The following SHISA5 variants were observed in gnomAD, a reference collection of about 807,000 sequenced individuals.
The protein encoded by SHISA5 is protein shisa-5.
SHISA5 carries 21 observed loss-of-function variants against 27.5 expected under a neutral mutation model. The ratio of observed to expected loss-of-function variants is 0.76; its 90% CI spans 0.54 to 1.10. The LOEUF (loss-of-function observed/expected upper bound fraction) is 1.10. SHISA5 is among the 50% of genes least tolerant of loss of function. SHISA5 has a pLI of 0.00. For missense variants in SHISA5, 314 were observed against 336.3 expected (o/e 0.93, Z 0.52); for synonymous variants, 137 against 142.2 (o/e 0.96, Z 0.26).
At chr3:48,492,842 G>A (rs2107367557) in intron 2 of SHISA5, among the ~76,000 whole-genome samples, 1 of 147,488 alleles carries the variant, frequency 6.8e-6, no homozygotes, top group South Asian at 2.1e-4. Context: ...CCAAGATGGA[G>A]TTGTTTTCAG....
At chr3:48,491,273 C>G (rs537600177) in intron 2 of SHISA5, among the ~76,000 whole-genome samples, 25 of 152,186 alleles carry the variant, frequency 1.6e-4, no homozygotes, top group African/African-American at 5.5e-4. Context: ...CGCCCGTCAC[C>G]ATGCCCAGCT....
At chr3:48,501,053 G>A in intron 2 of SHISA5, 84 bp downstream of exon 2, 1 of 1,429,690 alleles carries the variant, frequency 7.0e-7, no homozygotes, top group East Asian at 2.5e-5. Flanking sequence ...AGAGGCCAGA[G>A]GGGCAGAGCT....
intron 2 of SHISA5, among the ~76,000 whole-genome samples, chr3:48,488,513 C>T: frequency 6.9e-6 from 1 of 143,936 alleles, no homozygotes; most frequent in Non-Finnish European, 1.5e-5. Context: ...AGGCGTGAGC[C>T]ACCGCACCCA....
At chr3:48,491,127 C>CT (rs1053900270) in intron 2 of SHISA5, among the ~76,000 whole-genome samples, 27 of 110,934 alleles carry the variant, frequency 2.4e-4, no homozygotes, top group Non-Finnish European at 3.8e-4. Flanking sequence ...TGTATTTCTT[C>CT]TTTTTTTTTG....
intron 3 of SHISA5, among the ~76,000 whole-genome samples, chr3:48,475,416 T>C (rs1211517126): frequency 6.6e-6 from 1 of 151,706 alleles, no homozygotes; most frequent in Non-Finnish European, 1.5e-5. Flanking sequence ...TGGGCAGGAT[T>C]GTAGGGTCTG....
intron 2 of SHISA5, among the ~76,000 whole-genome samples, chr3:48,497,940 C>A (rs1433499439): frequency 1.3e-5 from 2 of 151,676 alleles, no homozygotes; most frequent in East Asian, 3.9e-4. Flanking sequence ...GAGACACTGG[C>A]TGTTGAGTTG....
At chr3:48,498,689 GAAAAAAAAAA>G (rs11294310) in intron 2 of SHISA5, among the ~76,000 whole-genome samples, 169 of 80,646 alleles carry the variant, frequency 2.1e-3, no homozygotes, top group African/African-American at 6.5e-3. Flanking sequence ...TCTCCAGAAA[GAAAAAAAAAA>G]AAAAAAAAAA....
In SHISA5 at chr3:48,469,198, G is replaced by T; in HGVS notation, c.644-12C>A. 1 of 1,611,050 alleles carries T rather than the reference G, an allele frequency of 6.2e-7. No individual in the cohort carries two copies. The highest frequency in any genetic ancestry group is 2.2e-5 in the East Asian group (1 of 44,858). ...CGCGGCTGCTCCTCCTGAAAGCAGAGAGGACCCTGGTTGGCTGTGAGCATG... is the reference window on the plus strand; with the variant it reads ...CGCGGCTGCTCCTCCTGAAAGCAGATAGGACCCTGGTTGGCTGTGAGCATG... On this transcript the variant is annotated splice_polypyrimidine_tract_variant and intron_variant, in intron 5 of 5. Transcript: ENST00000296444. This position sits in a 1 kb window ranked among gnomAD's most constrained non-coding sequence, Gnocchi z 4.6.
chr3:48,499,534 G>A lies in SHISA5; in HGVS notation c.233+1603C>T, dbSNP rs182231416. Among the ~76,000 whole-genome samples, 3 of 150,938 alleles carry A rather than the reference G, an allele frequency of 2.0e-5. 1 individual carries two copies. The highest frequency in any genetic ancestry group is 2.0e-4 in the Admixed American group (3 of 15,110). Reference sequence around the variant, plus strand: ...TCTCTAGTAAAAATACAAAAATTAGGCCGGGCGTGGTGGCGGGCGCCTGTA... The same window carrying A: ...TCTCTAGTAAAAATACAAAAATTAGACCGGGCGTGGTGGCGGGCGCCTGTA... On this transcript the variant is annotated intron_variant, in intron 2 of 5. Coordinates refer to ENST00000296444, the MANE Select transcript of SHISA5 (RefSeq NM_016479.6).
chr3:48,484,952 G>C (rs2041149420), intron 2 of SHISA5, among the ~76,000 whole-genome samples: 1 of 152,146 alleles, frequency 6.6e-6, no homozygotes. Flanking sequence ...GTAGTACTTT[G>C]GGAGGCCGAG....
chr3:48,471,750 T>A (rs893272937), intron 3 of SHISA5, among the ~76,000 whole-genome samples: 2 of 151,580 alleles, frequency 1.3e-5, no homozygotes, highest in African/African-American at 4.8e-5. Flanking sequence ...TGATGGTGGG[T>A]GCTTGCAATC....
In SHISA5 at chr3:48,503,199, G is replaced by C. The variant is rs1437067200; in HGVS notation, c.76+820C>G. The C allele has an allele frequency of 3.9e-6, 5 of 1,289,282 alleles. No individual in the cohort carries two copies. The African/African-American group carries it at 7.6e-5, about 20-fold the overall frequency. 79.9% of individuals were successfully genotyped at this position (1,289,282 alleles called of 1,614,324 possible). A position where few individuals can be genotyped will look rare whatever the true frequency, so the allele number is the denominator to read the frequency against. Reference sequence around the variant, plus strand: ...TCTGAGCCTCTGAGCTAGGGCTGAAGACACACCGGTGAGGCTGTTTAGGCT... The same window carrying C: ...TCTGAGCCTCTGAGCTAGGGCTGAACACACACCGGTGAGGCTGTTTAGGCT... On this transcript the variant is annotated intron_variant, in intron 1 of 5. Transcript: ENST00000296444.
chr3:48,498,453 G>A (rs544681637), intron 2 of SHISA5, among the ~76,000 whole-genome samples: 87 of 152,230 alleles, frequency 5.7e-4, no homozygotes, highest in East Asian at 1.5e-3. Context: ...TTGGGAGTCC[G>A]AGGCAGACAG....
At chr3:48,492,189 G>T (rs1053272682) in intron 2 of SHISA5, among the ~76,000 whole-genome samples, 1 of 92,380 alleles carries the variant, frequency 1.1e-5, no homozygotes, top group African/African-American at 3.7e-5. Flanking sequence ...AAAAAAAAAA[G>T]GCCAGGCGCG....
Position 48,473,671 on chromosome 3 carries a change from T to G in SHISA5, c.315-3828A>C. On this transcript the variant is annotated intron_variant, in intron 3 of 5. Transcript: ENST00000296444. This position sits in a 1 kb window ranked among gnomAD's most constrained non-coding sequence, Gnocchi z 4.3. ...CTGCTCAAACGCCAGCTATGGCTCCTGTAGCTCTTGCGATTACAAAGGAAT... is the reference window on the plus strand; with the variant it reads ...CTGCTCAAACGCCAGCTATGGCTCCGGTAGCTCTTGCGATTACAAAGGAAT... 1 of 1,084,046 alleles carries G rather than the reference T, an allele frequency of 9.2e-7. No individual in the cohort carries two copies. The highest frequency in any genetic ancestry group is 1.2e-6 in the Non-Finnish European group (1 of 852,694). The allele number at this position is 1,084,046 out of a possible 1,614,324, so 67.2% of individuals were successfully genotyped here.
intron 3 of SHISA5, among the ~76,000 whole-genome samples, chr3:48,475,467 C>T (rs757187508): frequency 3.9e-5 from 6 of 152,158 alleles, no homozygotes; most frequent in Non-Finnish European, 8.8e-5. Flanking sequence ...AGACTCCAAA[C>T]CTTAGACAGT....
chr3:48,486,317 A>ATGTT (rs2041226894), intron 2 of SHISA5, among the ~76,000 whole-genome samples: 1 of 17,274 alleles, frequency 5.8e-5, no homozygotes, highest in African/African-American at 2.8e-4. Context: ...TATAATATAT[A>ATGTT]ATACATTATG....
intron 2 of SHISA5, among the ~76,000 whole-genome samples, chr3:48,496,134 A>T (rs1286884538): frequency 1.5e-5 from 2 of 134,814 alleles, no homozygotes; most frequent in African/African-American, 6.9e-5. Flanking sequence ...AAAAAAAAAA[A>T]TGCAAAGATT....
At chr3:48,483,806 G>A (rs112532054) in intron 2 of SHISA5, among the ~76,000 whole-genome samples, 7 of 149,140 alleles carry the variant, frequency 4.7e-5, no homozygotes, top group East Asian at 2.0e-4. Flanking sequence ...GCGGCTGGCC[G>A]GGCGGGGGGC....
Sources: gnomAD v4.1 joint callset for allele counts (sites outside exome capture counted in the v4.1 genomes callset) on GRCh38, gnomAD v4.1.1 for gene constraint, Gnocchi (gnomAD v3.1) non-coding constraint, MANE v1.5 for transcripts, NCBI Gene and HGNC (gene_info 2026-07-23, HGNC 2026-07-21) for gene names.